The following NCOR2 variants were observed in gnomAD, a reference collection of about 807,000 sequenced individuals.
NCOR2 encodes the protein nuclear receptor corepressor 2, also known as CTG repeat protein 26.
In NCOR2, 81 loss-of-function variants were observed where a neutral mutation model predicts 262.9. The observed-to-expected ratio is 0.31, with a 90% CI of 0.26 to 0.37. The LOEUF (loss-of-function observed/expected upper bound fraction) is 0.37, where lower values mean the gene tolerates loss of function less well. Ranked by LOEUF, NCOR2 falls within the 10% of genes least tolerant of loss-of-function variation. The probability of loss-of-function intolerance (pLI) is 1.00; values close to 1 mark genes in which losing one functional copy is unlikely to be tolerated. For synonymous variants in NCOR2, 1,659 were observed against 1,559.3 expected, an observed-to-expected ratio of 1.06 and a Z score of -1.51; for missense variants, 3,385 against 3,621.4, an observed-to-expected ratio of 0.93 and a Z score of 1.68.
chr12:124,324,505 G>A (rs924963368), exon 47 of NCOR2: 23 of 152,284 alleles, frequency 1.5e-4, no homozygotes, highest in African/African-American at 4.3e-4. Flanking sequence ...AATACGCATC[G>A]AATTCATTCT....
intron 35 of NCOR2, 26 bp downstream of exon 37, chr12:124,340,576 C>T (rs995327310): frequency 6.6e-6 from 10 of 1,511,542 alleles, no homozygotes; most frequent in Admixed American, 2.1e-5. Context: ...CCGGGGTCCC[C>T]ACCCCAGACT....
chr12:124,495,220 G>T lies in NCOR2; in HGVS notation c.32C>A (p.Thr11Lys), dbSNP rs373302441. The T allele has an allele frequency of 1.2e-6, 2 of 1,613,616 alleles. No individual in the cohort carries two copies. The highest frequency in any genetic ancestry group is 1.7e-6 in the Non-Finnish European group (2 of 1,179,896). The change falls in exon 1 of 47, where the codon ACG becomes AAG. Residue 11 changes from threonine to lysine, a missense_variant. Thr to Lys is a moderately conservative substitution (Grantham distance 78). Coordinates refer to ENST00000405201, the Ensembl canonical transcript of NCOR2. The surrounding 1 kb of genome is among the most constrained non-coding windows in gnomAD (Gnocchi z 4.4). ...GTAGCGGGGCTCAGTGGCCCTCCAC[G>T]TCTGTGCCACAGGCTGTGTGGATCC...
chr12:124,393,909 G>A (rs1195849721), intron 16 of NCOR2, among the ~76,000 whole-genome samples: 2 of 152,248 alleles, frequency 1.3e-5, no homozygotes, highest in African/African-American at 4.8e-5. Context: ...CTATTATTTC[G>A]TGCTCTGGGT....
At chr12:124,441,654 T>C (rs998838280) in intron 7 of NCOR2, among the ~76,000 whole-genome samples, 3 of 152,224 alleles carry the variant, frequency 2.0e-5, no homozygotes, top group Non-Finnish European at 4.4e-5. Context: ...GTATGAATCA[T>C]GGCGGTGGCT....
chr12:124,341,763 C>T (rs375310786), intron 34 of NCOR2, 60 bp downstream of exon 36: 743 of 1,544,970 alleles, frequency 4.8e-4, no homozygotes, highest in Non-Finnish European at 6.1e-4. Context: ...CACAGGGGCA[C>T]GCCCATGTCC....
At chr12:124,555,959 C>T (rs1455867804) in intron 1 of NCOR2, 1 of 152,302 alleles carries the variant, frequency 6.6e-6, no homozygotes, top group African/African-American at 2.4e-5. Flanking sequence ...AGGCAATAAG[C>T]ACCTTCATGT....
Position 124,457,021 on chromosome 12 carries a change from C to T in NCOR2, c.762+85G>A. The T allele has an allele frequency of 8.8e-7, 1 of 1,130,444 alleles. No homozygotes were observed. Among genetic ancestry groups the T allele is most frequent in the Non-Finnish European group, 1.2e-6 (1 of 838,688 alleles). 70.0% of individuals were successfully genotyped at this position (1,130,444 alleles called of 1,614,324 possible). A position where few individuals can be genotyped will look rare whatever the true frequency, so the allele number is the denominator to read the frequency against. ...GCGCTTGGTAATAGATGACTTCCTC[C>T]TCCGCCGCACCCTCCCGCCTCCCTG... On this transcript the variant is annotated intron_variant, in intron 6 of 46. Transcript: ENST00000405201. This position sits in a 1 kb window ranked among gnomAD's most constrained non-coding sequence, Gnocchi z 4.0.
chr12:124,381,962 G>A lies in NCOR2; in HGVS notation c.2020-3578C>T, dbSNP rs191586894. 2.6e-5 allele frequency among the ~76,000 whole-genome samples: 4 copies of A among 152,326 alleles called. No individual in the cohort carries two copies. In the East Asian group the frequency reaches 5.8e-4, roughly 22 times the overall value. ...CCGCCGGATCCTGCTTCCTGCTGAC[G>A]TCGCCTGCGGCCACACTCGGGCCAG... is the stretch of plus-strand genomic sequence containing the variant. On this transcript the variant is annotated intron_variant, in intron 17 of 46. Transcript: ENST00000405201.
At chr12:124,465,733 C>T (rs1000460847) in intron 5 of NCOR2, among the ~76,000 whole-genome samples, 1 of 152,312 alleles carries the variant, frequency 6.6e-6, no homozygotes, top group East Asian at 1.9e-4. Context: ...GGAAATGACA[C>T]CTGTACCTGC....
At chr12:124,530,751 A>G (rs1279965431) in intron 1 of NCOR2, among the ~76,000 whole-genome samples, 1 of 152,194 alleles carries the variant, frequency 6.6e-6, no homozygotes, top group African/African-American at 2.4e-5. Flanking sequence ...GCAAGGTGAG[A>G]AATACCACAC....
intron 1 of NCOR2, among the ~76,000 whole-genome samples, chr12:124,488,508 C>A (rs1485304453): frequency 2.0e-5 from 3 of 152,220 alleles, no homozygotes; most frequent in Non-Finnish European, 4.4e-5. Flanking sequence ...GGGATTCCCC[C>A]AAGGCTGAGA....
intron 1 of NCOR2, among the ~76,000 whole-genome samples, chr12:124,553,743 T>C (rs1445708049): frequency 1.3e-5 from 2 of 152,234 alleles, no homozygotes; most frequent in Non-Finnish European, 2.9e-5. Context: ...GTACAGCCCA[T>C]GCTCTAGTAA....
chr12:124,449,949 T>C (rs1593595859), intron 6 of NCOR2, 82 bp from the exon 9 acceptor site: 4 of 1,440,944 alleles, frequency 2.8e-6, no homozygotes, highest in East Asian at 2.3e-5. Context: ...GCCACAGCCC[T>C]GGCACGGAGG....
intron 17 of NCOR2, among the ~76,000 whole-genome samples, chr12:124,380,770 A>AGCATCCGC (rs2040354252): frequency 1.3e-5 from 2 of 151,352 alleles, no homozygotes; most frequent in Non-Finnish European, 3.0e-5. Context: ...CCTGGAGTGC[A>AGCATCCGC]AGGTGTCTCT....
At chr12:124,343,510 G>A (rs938489636) in intron 32 of NCOR2, among the ~76,000 whole-genome samples, 6 of 152,216 alleles carry the variant, frequency 3.9e-5, no homozygotes, top group African/African-American at 1.4e-4. Flanking sequence ...TCACCCCAGT[G>A]AACGAAACAG....
chr12:124,431,933 C>T (rs2043974648), intron 8 of NCOR2, among the ~76,000 whole-genome samples: 1 of 151,850 alleles, frequency 6.6e-6, no homozygotes, highest in Non-Finnish European at 1.5e-5. Context: ...GCCAGACACA[C>T]AGATGGTCAC....
At chr12:124,422,522 G>A (rs755693513) in exon 12 of NCOR2, 10 of 1,614,088 alleles carry the variant, frequency 6.2e-6, no homozygotes, top group Admixed American at 5.0e-5. Flanking sequence ...GGAATGATGC[G>A]ATCAGGCCAA....
At chr12:124,525,906 A>C (rs2050442021) in intron 1 of NCOR2, among the ~76,000 whole-genome samples, 1 of 152,252 alleles carries the variant, frequency 6.6e-6, no homozygotes, top group Admixed American at 6.5e-5. Flanking sequence ...CCTACTTTCT[A>C]AGGCTGCTGC....
rs200115581 is a variant in NCOR2 at position 124,354,175 on chromosome 12, G to A, written c.3611C>T (p.Pro1204Leu). 150 of 1,604,824 alleles carry A rather than the reference G, an allele frequency of 9.3e-5. No homozygotes were observed. In the East Asian group the frequency reaches 2.7e-3, roughly 29 times the overall value. ...AATGCCTTTGGTGATGCTTCCGCCC[G>A]GAACTGAGCCCAGAGCTGTCCCTGG... The change falls in exon 27 of 47, where the codon CCG (proline) becomes CTG (leucine). Residue 1204 changes from proline to leucine, a missense_variant. Coordinates refer to ENST00000405201, the Ensembl canonical transcript of NCOR2.
Sources: allele counts gnomAD v4.1 joint callset (sites outside exome capture counted in the v4.1 genomes callset), GRCh38; gene constraint gnomAD v4.1.1; non-coding constraint Gnocchi (gnomAD v3.1); transcripts MANE v1.5; gene names NCBI Gene and HGNC (gene_info 2026-07-23, HGNC 2026-07-21).